Variants in ERI1 observed in about 807,000 individuals in gnomAD.
The protein encoded by ERI1 is 3'-5' exoribonuclease 1.
ERI1 carries 39 observed loss-of-function variants against 39.7 expected under a neutral mutation model. That is an observed-to-expected ratio of 0.98 (90% CI 0.76 to 1.28). The LOEUF (loss-of-function observed/expected upper bound fraction) is 1.28, where lower values mean the gene tolerates loss of function less well. Among genes scored for constraint, ERI1 ranks in the 50% most tolerant of loss-of-function variants. The probability of loss-of-function intolerance (pLI) is 0.00; values close to 1 mark genes in which losing one functional copy is unlikely to be tolerated. For synonymous variants in ERI1, 204 were observed against 149.6 expected, an observed-to-expected ratio of 1.36 and a Z score of -2.65; for missense variants, 581 against 416.9, an observed-to-expected ratio of 1.39 and a Z score of -3.43.
downstream of ERI1, among the ~76,000 whole-genome samples, chr8:9,037,329 A>C (rs542784892): frequency 1.3e-5 from 2 of 152,294 alleles, no homozygotes; most frequent in East Asian, 1.9e-4. Context: ...TTAGCCCATC[A>C]GTCTTATTCT....
At chr8:9,065,672 G>A (rs1798849122) in intron 3 of ERI1, among the ~76,000 whole-genome samples, 1 of 136,998 alleles carries the variant, frequency 7.3e-6, no homozygotes, top group African/African-American at 2.8e-5. Context: ...TCCAGCCTGG[G>A]CAACAGAGCG....
At chr8:9,070,120 T>A (rs1183956067) in intron 3 of ERI1, among the ~76,000 whole-genome samples, 7 of 152,018 alleles carry the variant, frequency 4.6e-5, no homozygotes, top group Non-Finnish European at 4.4e-5. Context: ...GCACCTGTAA[T>A]CCCAGCTACT....
At chr8:9,067,516 A>C (rs1453911028) in intron 3 of ERI1, among the ~76,000 whole-genome samples, 4 of 151,944 alleles carry the variant, frequency 2.6e-5, no homozygotes. Flanking sequence ...TTAGCTGGGC[A>C]TGGTGGCATA....
At chr8:9,059,724 G>A (rs1247009471) in intron 3 of ERI1, among the ~76,000 whole-genome samples, 1 of 152,180 alleles carries the variant, frequency 6.6e-6, no homozygotes, top group Non-Finnish European at 1.5e-5. Context: ...TACTTTAAGA[G>A]TTAAGAGTGG....
At chr8:9,045,256 A>AAAAAC (rs1798140296) in intron 3 of ERI1, among the ~76,000 whole-genome samples, 1 of 150,558 alleles carries the variant, frequency 6.6e-6, no homozygotes, top group Non-Finnish European at 1.5e-5. Context: ...AAAAAAAAAA[A>AAAAAC]AGTAGTAATA....
intron 2 of ERI1, among the ~76,000 whole-genome samples, chr8:9,008,803 G>A (rs1444729594): frequency 1.3e-5 from 2 of 152,048 alleles, no homozygotes; most frequent in South Asian, 2.1e-4. Flanking sequence ...TTTGATAAAC[G>A]GTAGAACTGC....
intron 1 of ERI1, among the ~76,000 whole-genome samples, chr8:9,005,561 C>G (rs1218992056): frequency 1.4e-5 from 2 of 147,780 alleles, no homozygotes; most frequent in Non-Finnish European, 3.0e-5. Flanking sequence ...GTTGCCCAGG[C>G]TGGAGTGCAG....
In ERI1 at chr8:9,031,326, G is replaced by A. The variant is rs1352193845; in HGVS notation, c.*1292G>A. ...TGGGAATTCTCTACATAGGGCAGTA[G>A]ATTTCTTAAGCCAATGAATTTCTGC... On this transcript the variant is annotated 3_prime_UTR_variant, in exon 7 of 7. Coordinates refer to ENST00000250263, the MANE Select transcript of ERI1 (RefSeq NM_153332.4). 1.3e-5 allele frequency: 2 copies of A among 152,182 alleles called. No homozygotes were observed. The highest frequency in any genetic ancestry group is 2.9e-5 in the Non-Finnish European group (2 of 68,038). 9.4% of individuals were successfully genotyped at this position (152,182 alleles called of 1,614,324 possible). A position where few individuals can be genotyped will look rare whatever the true frequency, so the allele number is the denominator to read the frequency against.
At chr8:9,078,566 C>G (rs1446930445) in intron 3 of ERI1, among the ~76,000 whole-genome samples, 6 of 152,152 alleles carry the variant, frequency 3.9e-5, no homozygotes, top group Admixed American at 6.5e-5. Context: ...ATCAATATGA[C>G]AGAGATTTTC....
intron 3 of ERI1, among the ~76,000 whole-genome samples, chr8:9,057,639 G>A (rs184138448): frequency 1.1e-4 from 16 of 152,224 alleles, no homozygotes; most frequent in Admixed American, 5.9e-4. Context: ...CTCTTTGTAC[G>A]GACTGTACAT....
At chr8:9,018,709 C>T (rs1216184033) in intron 5 of ERI1, among the ~76,000 whole-genome samples, 2 of 152,214 alleles carry the variant, frequency 1.3e-5, no homozygotes, top group African/African-American at 2.4e-5. Context: ...TTGAGCTTGG[C>T]CTTGAAGCCT....
chr8:9,014,618 G>A (rs1331281093), intron 3 of ERI1, among the ~76,000 whole-genome samples: 3 of 152,152 alleles, frequency 2.0e-5, no homozygotes, highest in Non-Finnish European at 4.4e-5. Context: ...GTATTTAGTA[G>A]CGAATAACAT....
chr8:9,070,577 A>G (rs1799016073), intron 3 of ERI1, among the ~76,000 whole-genome samples: 1 of 152,202 alleles, frequency 6.6e-6, no homozygotes, highest in African/African-American at 2.4e-5. Flanking sequence ...AGAAAGGAAG[A>G]AATTGATTGA....
At chr8:9,051,153 T>C (rs961446393) in intron 3 of ERI1, among the ~76,000 whole-genome samples, 1 of 151,554 alleles carries the variant, frequency 6.6e-6, no homozygotes, top group African/African-American at 2.4e-5. Context: ...TATATGAATA[T>C]ATATATGTAT....
chr8:9,011,579 T>G lies in ERI1; in HGVS notation c.325T>G (p.Tyr109Asp). 6.2e-7 allele frequency: 1 copy of G among 1,612,478 alleles called. No individual in the cohort carries two copies. The highest frequency in any genetic ancestry group is 8.5e-7 in the Non-Finnish European group (1 of 1,179,148). Residue 109 changes from tyrosine to aspartate, a missense_variant, in exon 3 of 7, where the codon TAT becomes GAT. Transcript: ENST00000250263. ...TGTTCTAAAGAAGAGACTGAAAAACTATTATAAGAAGCAGAAGCTGATGCT... is the reference window on the plus strand; with the variant it reads ...TGTTCTAAAGAAGAGACTGAAAAACGATTATAAGAAGCAGAAGCTGATGCT... The part of the protein sequence containing the change: ...KDVLKKRLKN[Y>D]YKKQKLMLKE...
chr8:9,006,687 C>G (rs1293755187), intron 1 of ERI1, among the ~76,000 whole-genome samples: 1 of 150,842 alleles, frequency 6.6e-6, no homozygotes, highest in South Asian at 2.1e-4. Flanking sequence ...TTTTTTTTTC[C>G]TTAACATTGT....
At chr8:9,044,295 T>C (rs2117354198) in intron 3 of ERI1, among the ~76,000 whole-genome samples, 1 of 152,306 alleles carries the variant, frequency 6.6e-6, no homozygotes, top group Non-Finnish European at 1.5e-5. Flanking sequence ...TTACATTTTC[T>C]CTGATTAGCG....
chr8:9,063,548 T>A (rs1322558215), intron 3 of ERI1, among the ~76,000 whole-genome samples: 1 of 151,782 alleles, frequency 6.6e-6, no homozygotes, highest in Non-Finnish European at 1.5e-5. Context: ...GATGGGTCTG[T>A]AGAAAAGGAA....
Position 9,008,224 on chromosome 8 carries a change from T to TA in ERI1, c.287+81dup, listed in dbSNP as rs372872779. 1,067 of 1,237,794 alleles carry TA rather than the reference T, an allele frequency of 8.6e-4. 14 individuals are homozygous for TA. The African/African-American group carries it at 0.015, about 17-fold the overall frequency. The allele number at this position is 1,237,794 out of a possible 1,614,324, so 76.7% of individuals were successfully genotyped here. ...GAAAATCTTGAAAACATTGAAATATTAAAAATCATCTGTAATCCTACCGTA... is the reference window on the plus strand; with the variant it reads ...GAAAATCTTGAAAACATTGAAATATTAAAAAATCATCTGTAATCCTACCGTA... On this transcript the variant is annotated intron_variant, in intron 2 of 6. Transcript: ENST00000250263.
Sources: allele counts gnomAD v4.1 joint callset (sites outside exome capture counted in the v4.1 genomes callset), GRCh38; gene constraint gnomAD v4.1.1; transcripts MANE v1.5; gene names NCBI Gene and HGNC (gene_info 2026-07-23, HGNC 2026-07-21).